The following CSMD1 variants were observed in gnomAD, a reference collection of about 807,000 sequenced individuals.
CSMD1 encodes the protein CUB and Sushi multiple domains 1, also known as CUB and sushi domain-containing protein 1.
A neutral mutation model predicts 417.5 loss-of-function variants in CSMD1; 213 were observed. The observed-to-expected ratio is 0.51, with a 90% CI of 0.46 to 0.57. The LOEUF is 0.57. Among genes scored for constraint, CSMD1 ranks in the 20% least tolerant of loss-of-function variants. The pLI, the probability that CSMD1 is intolerant of heterozygous loss-of-function variation, is 0.00. For missense variants in CSMD1, 6,923 were observed against 4,529.7 expected (o/e 1.53, Z -15.17); for synonymous variants, 2,862 against 1,736.8 (o/e 1.65, Z -16.11).
chr8:4,050,782 A>T (rs1358204209), intron 3 of CSMD1, among the ~76,000 whole-genome samples: 1 of 152,184 alleles, frequency 6.6e-6, no homozygotes, highest in Non-Finnish European at 1.5e-5. Flanking sequence ...TATAAAATTC[A>T]GAGTCCCTGA....
intron 54 of CSMD1, among the ~76,000 whole-genome samples, chr8:2,985,708 G>A (rs1563207274): frequency 6.6e-6 from 1 of 152,174 alleles, no homozygotes; most frequent in Non-Finnish European, 1.5e-5. Context: ...GGGTGACTCA[G>A]CTTCACTCAA....
intron 2 of CSMD1, among the ~76,000 whole-genome samples, chr8:4,436,049 C>A (rs1472262767): frequency 1.3e-5 from 2 of 152,286 alleles, no homozygotes; most frequent in South Asian, 2.1e-4. Flanking sequence ...CAATCAAGAT[C>A]ATTCACAGAT....
At chr8:2,987,064 A>G (rs1805976413) in intron 54 of CSMD1, among the ~76,000 whole-genome samples, 1 of 152,112 alleles carries the variant, frequency 6.6e-6, no homozygotes, top group South Asian at 2.1e-4. Context: ...GCAAAGTTAC[A>G]ACTAATTCTT....
intron 1 of CSMD1, among the ~76,000 whole-genome samples, chr8:4,653,299 C>G (rs1029226902): frequency 1.3e-5 from 2 of 152,052 alleles, no homozygotes; most frequent in African/African-American, 2.4e-5. Context: ...ATTAAGGTGA[C>G]GATCACTAGG....
At chr8:4,833,303 G>A (rs779373946) in intron 1 of CSMD1, among the ~76,000 whole-genome samples, 2 of 152,188 alleles carry the variant, frequency 1.3e-5, no homozygotes, top group Non-Finnish European at 2.9e-5. Context: ...AAGGGCGAAT[G>A]GGAAGCAAGC....
chr8:4,641,149 T>G (rs77009850), intron 1 of CSMD1, among the ~76,000 whole-genome samples: 3,724 of 151,510 alleles, frequency 0.025, 147 homozygotes, highest in African/African-American at 0.085. Flanking sequence ...GATACCAAAA[T>G]ACACATCACA....
intron 1 of CSMD1, among the ~76,000 whole-genome samples, chr8:4,705,769 T>A (rs1178973694): frequency 6.6e-6 from 1 of 152,196 alleles, no homozygotes; most frequent in African/African-American, 2.4e-5. Flanking sequence ...TATGACTGAA[T>A]AATTGATAAC....
intron 5 of CSMD1, among the ~76,000 whole-genome samples, chr8:3,818,869 C>T (rs1037374616): frequency 1.3e-5 from 2 of 152,176 alleles, no homozygotes; most frequent in Admixed American, 6.5e-5. Flanking sequence ...AACAGCCTTG[C>T]TCACACTTCC....
Position 4,578,332 on chromosome 8 carries a change from AT to A in CSMD1, c.302+59009del, listed in dbSNP as rs1172600205. 7.1e-3 allele frequency among the ~76,000 whole-genome samples: 348 copies of A among 48,748 alleles called. 3 individuals carry two copies. The highest frequency in any genetic ancestry group is 8.3e-3 in the African/African-American group (109 of 13,092). The allele number at this position is 48,748 out of a possible 152,430, so 32.0% of individuals were successfully genotyped here. ...AGGCACCTGCCACGACACCCGGCTC[AT>A]TTTTTTTTTTTTTTTTTTTTTTTTT... On this transcript the variant is annotated intron_variant, in intron 2 of 69. Transcript: ENST00000635120.
intron 10 of CSMD1, among the ~76,000 whole-genome samples, chr8:3,536,927 C>T (rs775282623): frequency 1.4e-4 from 21 of 152,158 alleles, no homozygotes; most frequent in Non-Finnish European, 2.6e-4. Flanking sequence ...TTGCCCTAGT[C>T]GTCAGTAGAG....
chr8:4,586,246 C>A (rs1278865085), intron 2 of CSMD1, among the ~76,000 whole-genome samples: 1 of 152,146 alleles, frequency 6.6e-6, no homozygotes, highest in African/African-American at 2.4e-5. Flanking sequence ...CTTCCAAGTA[C>A]TAGTTCTTAT....
intron 1 of CSMD1, among the ~76,000 whole-genome samples, chr8:4,977,029 T>C (rs535576808): frequency 2.0e-5 from 3 of 152,206 alleles, no homozygotes; most frequent in Non-Finnish European, 4.4e-5. Context: ...GACCATATTA[T>C]GTGTTGGCAA....
chr8:4,358,764 T>C (rs542377748), intron 3 of CSMD1, among the ~76,000 whole-genome samples: 82 of 152,246 alleles, frequency 5.4e-4, no homozygotes, highest in African/African-American at 2.0e-3. Context: ...AAAAAGCAAT[T>C]AGGTTGCAAT....
chr8:4,975,561 A>G (rs1286411075), intron 1 of CSMD1, among the ~76,000 whole-genome samples: 1 of 152,204 alleles, frequency 6.6e-6, no homozygotes, highest in African/African-American at 2.4e-5. Context: ...GAAGGTCCCA[A>G]AACTGGAATA....
chr8:3,330,801 TG>T (rs1297975792), intron 23 of CSMD1, among the ~76,000 whole-genome samples: 3 of 152,232 alleles, frequency 2.0e-5, no homozygotes, highest in Non-Finnish European at 4.4e-5. Context: ...TTTTGAATTT[TG>T]TTGCTCTCCC....
chr8:4,243,519 T>G lies in CSMD1; in HGVS notation c.415+176434A>C, dbSNP rs28476756. 7.9e-3 allele frequency among the ~76,000 whole-genome samples: 1,208 copies of G among 152,274 alleles called. 16 individuals are homozygous for G. The highest frequency in any genetic ancestry group is 0.027 in the African/African-American group (1,114 of 41,560). On this transcript the variant is annotated intron_variant, in intron 3 of 69. Coordinates refer to ENST00000635120, the MANE Select transcript of CSMD1 (RefSeq NM_033225.6). ...TTTCTAATTTTAAACAGCAGGCTTA[T>G]CTTTGTAACCAGAGAAATGGGGAAA...
intron 5 of CSMD1, among the ~76,000 whole-genome samples, chr8:3,802,230 C>A (rs1723950904): frequency 6.6e-6 from 1 of 151,998 alleles, no homozygotes; most frequent in Non-Finnish European, 1.5e-5. Context: ...TAAAAATATA[C>A]ATGATAGAGG....
At chr8:4,718,794 A>G (rs192250117) in intron 1 of CSMD1, among the ~76,000 whole-genome samples, 11 of 152,232 alleles carry the variant, frequency 7.2e-5, no homozygotes, top group African/African-American at 1.7e-4. Context: ...AACTTAAAAT[A>G]TAAGGAAATT....
At chr8:3,629,765 TC>T (rs1212744236) in intron 7 of CSMD1, among the ~76,000 whole-genome samples, 9 of 152,170 alleles carry the variant, frequency 5.9e-5, no homozygotes, top group Non-Finnish European at 1.2e-4. Flanking sequence ...ACCTTTCATT[TC>T]AAAAAGACAG....
Sources: gnomAD v4.1 joint callset for allele counts (sites outside exome capture counted in the v4.1 genomes callset) on GRCh38, gnomAD v4.1.1 for gene constraint, MANE v1.5 for transcripts, NCBI Gene and HGNC (gene_info 2026-07-23, HGNC 2026-07-21) for gene names.